The following ATP2C2 variants were observed in gnomAD, a reference collection of about 807,000 sequenced individuals.
ATP2C2 encodes the protein calcium-transporting ATPase type 2C member 2.
A neutral mutation model predicts 110.8 loss-of-function variants in ATP2C2; 171 were observed. The ratio of observed to expected loss-of-function variants is 1.54; its 90% CI spans 1.36 to 1.75. The LOEUF is 1.75. Ranked by LOEUF, ATP2C2 falls within the 40% of genes most tolerant of loss-of-function variation. The pLI is 0.00. For synonymous variants in ATP2C2, 804 were observed against 508.4 expected (o/e 1.58, Z -7.82); for missense variants, 1,963 against 1,235.0 (o/e 1.59, Z -8.84).
intron 1 of ATP2C2, among the ~76,000 whole-genome samples, chr16:84,381,844 A>C (rs543048906): frequency 6.6e-6 from 1 of 152,288 alleles, no homozygotes; most frequent in East Asian, 1.9e-4. Flanking sequence ...TCCTTACAAA[A>C]ATCCCTGTAG....
At chr16:84,396,003 C>T (rs937564037) in intron 1 of ATP2C2, among the ~76,000 whole-genome samples, 1 of 152,162 alleles carries the variant, frequency 6.6e-6, no homozygotes, top group Non-Finnish European at 1.5e-5. Context: ...GTTACCTCTG[C>T]TCTCCTTTCT....
At chr16:84,422,770 C>T (rs1907466546) in intron 9 of ATP2C2, 73 bp downstream of exon 9, 2 of 1,436,454 alleles carry the variant, frequency 1.4e-6, no homozygotes, top group Non-Finnish European at 1.9e-6. Context: ...ATAATACCAG[C>T]CTTGCCTACT....
intron 1 of ATP2C2, among the ~76,000 whole-genome samples, chr16:84,385,221 T>C (rs539105702): frequency 6.6e-6 from 1 of 152,220 alleles, no homozygotes; most frequent in African/African-American, 2.4e-5. Flanking sequence ...TGAAGTGTCT[T>C]ACATGGTGGG....
At position 84,410,746 on chromosome 16, in the gene ATP2C2, GT is replaced by G; in HGVS notation, c.498del (p.Pro167LeufsTer7). 1 of 1,614,168 alleles carries G rather than the reference GT, an allele frequency of 6.2e-7. No individual in the cohort carries two copies. ...ATCTCTGGAAGAGCTGACCAAGCTG[GT>G]TCCTCCAGAATGTAACTGGTAAGTC... ...EKSLEELTKL[V>X]PPECNCLREG... On this transcript the variant is annotated frameshift_variant, in exon 6 of 27. Coordinates refer to ENST00000262429, the MANE Select transcript of ATP2C2 (RefSeq NM_014861.4). LOFTEE classifies it high-confidence loss of function.
chr16:84,390,288 G>A (rs1326801903), intron 1 of ATP2C2, among the ~76,000 whole-genome samples: 2 of 152,218 alleles, frequency 1.3e-5, no homozygotes, highest in Non-Finnish European at 2.9e-5. Flanking sequence ...GGTGCCGCTG[G>A]CTCCCTTGCT....
chr16:84,394,880 A>T (rs1408498393), intron 1 of ATP2C2, among the ~76,000 whole-genome samples: 1 of 152,150 alleles, frequency 6.6e-6, no homozygotes, highest in African/African-American at 2.4e-5. Flanking sequence ...TTCTGTAAAG[A>T]TGCCCTCCAG....
intron 21 of ATP2C2, 48 bp downstream of exon 21, chr16:84,455,032 C>T (rs779725118): frequency 5.6e-6 from 9 of 1,608,006 alleles, no homozygotes; most frequent in Non-Finnish European, 7.6e-6. Context: ...TGCCTGGGGT[C>T]ACCAGCTTCT....
chr16:84,460,187 T>C (rs1001329478), intron 23 of ATP2C2: 1 of 209,598 alleles, frequency 4.8e-6, no homozygotes, highest in African/African-American at 2.3e-5. Flanking sequence ...CTCAGCTGTG[T>C]CTGAGCGGCA....
chr16:84,395,244 G>A (rs1904899383), intron 1 of ATP2C2, among the ~76,000 whole-genome samples: 1 of 151,968 alleles, frequency 6.6e-6, no homozygotes. Flanking sequence ...ACAAAACACA[G>A]GGGAGTGAGG....
At chr16:84,383,893 G>A (rs561950202) in intron 1 of ATP2C2, among the ~76,000 whole-genome samples, 107 of 148,942 alleles carry the variant, frequency 7.2e-4, no homozygotes, top group African/African-American at 2.4e-3. Flanking sequence ...AGGCTCAAGC[G>A]ATCCTCCAAC....
rs186490041 is a variant in ATP2C2, at chr16:84,463,919, C to T, written c.*187C>T. On this transcript the variant is annotated 3_prime_UTR_variant, in exon 27 of 27. Coordinates refer to ENST00000262429, the MANE Select transcript of ATP2C2 (RefSeq NM_014861.4). ...GGGACCCAGGCCCACATCCATCCAGCGTTCCCGCTGGCTGTGGGACAGACA... is the reference window on the plus strand; with the variant it reads ...GGGACCCAGGCCCACATCCATCCAGTGTTCCCGCTGGCTGTGGGACAGACA... The T allele has an allele frequency of 1.6e-4, 95 of 586,738 alleles. No individual in the cohort carries two copies. Among genetic ancestry groups the T allele is most frequent in the African/African-American group, 1.2e-3 (67 of 53,926 alleles). 36.3% of individuals were successfully genotyped at this position (586,738 alleles called of 1,614,324 possible).
In ATP2C2 at chr16:84,368,672, C is replaced by T; in HGVS notation, c.57C>T (p.Gly19=). Residue 19 remains glycine, a synonymous_variant, in exon 1 of 27, where the codon GGC becomes GGT. Coordinates refer to ENST00000262429, the MANE Select transcript of ATP2C2 (RefSeq NM_014861.4). ...AGAAACTCGGCTTCTCGGGCGGGGG[C>T]CGCCAGTACCAGGCGCTGGAGAAGG... The part of the protein sequence containing the change: ...FLKKLGFSGG[G]RQYQALEKDE... 3 of 1,562,982 alleles carry T rather than the reference C, an allele frequency of 1.9e-6. No individual in the cohort carries two copies. Among genetic ancestry groups the T allele is most frequent in the East Asian group, 2.5e-5 (1 of 39,800 alleles).
At chr16:84,413,353 G>A (rs1906557707) in intron 6 of ATP2C2, among the ~76,000 whole-genome samples, 1 of 152,190 alleles carries the variant, frequency 6.6e-6, no homozygotes, top group African/African-American at 2.4e-5. Flanking sequence ...AGGGGCGTGT[G>A]TGTATAATAC....
At chr16:84,442,365 C>A (rs1444188000) in intron 14 of ATP2C2, 145 bp from the exon 15 acceptor site, 3 of 740,060 alleles carry the variant, frequency 4.1e-6, no homozygotes, top group Non-Finnish European at 4.7e-6. Context: ...CACGATGTTT[C>A]TTTTAAAAAG....
chr16:84,447,047 T>TTAAAATTTTCTTTTCAGATTTGTTGTG (rs1394913920), intron 16 of ATP2C2, among the ~76,000 whole-genome samples: 1 of 152,218 alleles, frequency 6.6e-6, no homozygotes, highest in Admixed American at 6.5e-5. Context: ...CAGCTGATTT[T>TTAAAATTTTCTTTTCAGATTTGTTGTG]TAAAATTTTC....
intron 7 of ATP2C2, among the ~76,000 whole-genome samples, chr16:84,419,642 C>A (rs1423133870): frequency 4.8e-5 from 2 of 41,956 alleles, no homozygotes; most frequent in African/African-American, 1.8e-4. Context: ...CTCCCTCCTC[C>A]CTTCCCTTGG....
Position 84,398,524 on chromosome 16 carries a change from C to A in ATP2C2, c.125C>A (p.Ala42Asp). The change falls in exon 2 of 27, where the codon GCC becomes GAC. Residue 42 changes from alanine (A) to aspartate (D), a missense_variant. By Grantham distance (126) the Ala-to-Asp change is moderately radical. Coordinates refer to ENST00000262429, the MANE Select transcript of ATP2C2 (RefSeq NM_014861.4). Reference protein sequence around the residue: ...ALIDEQSELKAIEKEKKVTAL... With the variant: ...ALIDEQSELKDIEKEKKVTAL... ...ATTGATGAACAGAGTGAGCTGAAAG[C>A]CATCGAGAAAGAGAAGAAGGTGACA... is the stretch of plus-strand genomic sequence containing the variant. 6.2e-7 allele frequency: 1 copy of A among 1,612,604 alleles called. No homozygotes were observed. The highest frequency in any genetic ancestry group is 8.5e-7 in the Non-Finnish European group (1 of 1,179,490).
chr16:84,425,926 C>T (rs1302409905), intron 11 of ATP2C2, 125 bp downstream of exon 11: 1 of 1,188,758 alleles, frequency 8.4e-7, no homozygotes, highest in Non-Finnish European at 1.2e-6. Context: ...AGCCCCGTCA[C>T]CCAAACTCCA....
At chr16:84,427,243 T>A (rs1453766391) in intron 11 of ATP2C2, among the ~76,000 whole-genome samples, 1 of 152,112 alleles carries the variant, frequency 6.6e-6, no homozygotes, top group Non-Finnish European at 1.5e-5. Flanking sequence ...GTAAACAAAC[T>A]TAGATGTCCA....
Sources: allele counts gnomAD v4.1 joint callset (sites outside exome capture counted in the v4.1 genomes callset), GRCh38; gene constraint gnomAD v4.1.1; transcripts MANE v1.5; gene names NCBI Gene and HGNC (gene_info 2026-07-23, HGNC 2026-07-21).